SETD1B: variants seen among roughly 807,000 people sequenced by gnomAD.
SETD1B encodes histone-lysine N-methyltransferase SETD1B.
Under a neutral mutation model 148.0 loss-of-function variants are expected in SETD1B, and 7 were observed. The observed-to-expected ratio is 0.05, with a 90% CI of 0.03 to 0.09. The LOEUF (loss-of-function observed/expected upper bound fraction) is 0.09. Ranked by LOEUF, SETD1B falls within the 10% of genes least tolerant of loss-of-function variation. The probability of loss-of-function intolerance (pLI) is 1.00; values close to 1 mark genes in which losing one functional copy is unlikely to be tolerated. For synonymous variants in SETD1B, 1,361 were observed against 1,186.5 expected (o/e 1.15, Z -3.02); for missense variants, 2,155 against 2,729.9 (o/e 0.79, Z 4.69).
At chr12:121,815,971 G>A (rs989049649) in intron 7 of SETD1B, among the ~76,000 whole-genome samples, 5 of 151,480 alleles carry the variant, frequency 3.3e-5, no homozygotes, top group African/African-American at 1.2e-4. Context: ...GGGACTATAG[G>A]CACCCACTAC....
chr12:121,798,319 G>C, the SETD1B span, among the ~76,000 whole-genome samples: 1 of 152,236 alleles, frequency 6.6e-6, no homozygotes, highest in Non-Finnish European at 1.5e-5. Flanking sequence ...GGAGAACCGC[G>C]TTGGCCGCCT....
chr12:121,793,705 G>T, the SETD1B span: 6 of 1,359,308 alleles, frequency 4.4e-6, no homozygotes, highest in Non-Finnish European at 5.7e-6. Context: ...GGCGGGGCGG[G>T]GCCGGAACCA....
Position 121,827,394 on chromosome 12 carries a change from G to A in SETD1B, c.5338-125G>A, listed in dbSNP as rs192103427. 288 of 1,221,488 alleles carry A rather than the reference G, an allele frequency of 2.4e-4. No individual in the cohort carries two copies. The African/African-American group carries it at 3.0e-3, about 13-fold the overall frequency. The allele number at this position is 1,221,488 out of a possible 1,614,324, so 75.7% of individuals were successfully genotyped here. On this transcript the variant is annotated intron_variant, in intron 13 of 16. Transcript: ENST00000604567. Reference sequence around the variant, plus strand: ...AGGGAAGCGGTGACAATTAGGGACCGACAGGTGTGGAGAAGCCCAGAGCAA... The same window carrying A: ...AGGGAAGCGGTGACAATTAGGGACCAACAGGTGTGGAGAAGCCCAGAGCAA...
chr12:121,828,380 G>A (rs370908443), intron 16 of SETD1B, among the ~76,000 whole-genome samples: 1 of 152,218 alleles, frequency 6.6e-6, no homozygotes, highest in Admixed American at 6.5e-5. Context: ...CCTTTTCTCC[G>A]TGCCTTCATT....
At chr12:121,794,569 G>T in the SETD1B span, among the ~76,000 whole-genome samples, 1 of 152,124 alleles carries the variant, frequency 6.6e-6, no homozygotes, top group Non-Finnish European at 1.5e-5. Context: ...GCGTTTCCTT[G>T]CCAGCAGCCA....
intron 4 of SETD1B, 112 bp downstream of exon 4, chr12:121,806,217 C>G (rs1469905008): frequency 2.5e-6 from 3 of 1,207,838 alleles, no homozygotes; most frequent in Admixed American, 2.5e-5. Flanking sequence ...GGGATCCCCC[C>G]CCACAACCTT....
intron 4 of SETD1B, among the ~76,000 whole-genome samples, chr12:121,806,825 C>G (rs1875768256): frequency 6.6e-6 from 1 of 152,230 alleles, no homozygotes; most frequent in Non-Finnish European, 1.5e-5. Context: ...TACCTCCCAC[C>G]CTGTGGGTCT....
At chr12:121,826,270 A>G (rs1004118233) in intron 13 of SETD1B, among the ~76,000 whole-genome samples, 1 of 152,154 alleles carries the variant, frequency 6.6e-6, no homozygotes, top group Non-Finnish European at 1.5e-5. Flanking sequence ...GAAGCACGTA[A>G]TTCCAGGCAG....
chr12:121,795,623 G>C, the SETD1B span: 1 of 152,522 alleles, frequency 6.6e-6, no homozygotes, highest in Non-Finnish European at 1.5e-5. Flanking sequence ...GCTACCAGCC[G>C]GGCCCTGAGC....
Position 121,822,917 on chromosome 12 carries a change from C to T in SETD1B, c.4338C>T (p.Pro1446=), listed in dbSNP as rs1320542055. 17 of 1,513,624 alleles carry T rather than the reference C, an allele frequency of 1.1e-5. No homozygotes were observed. Among genetic ancestry groups the T allele is most frequent in the African/African-American group, 4.2e-5 (3 of 71,960 alleles). The allele number at this position is 1,513,624 out of a possible 1,614,324, so 93.8% of individuals were successfully genotyped here. A position where few individuals can be genotyped will look rare whatever the true frequency, so the allele number is the denominator to read the frequency against. Residue 1446 remains proline (P), a synonymous_variant, in exon 12 of 17, where the codon CCC becomes CCT. Coordinates refer to ENST00000604567, the MANE Select transcript of SETD1B (RefSeq NM_001353345.2). The part of the protein sequence containing the change: ...FSEPSGPLLL[P]VCPLPTGRRD... ...AGCCCAGCGGGCCCTTGCTCCTGCC[C>T]GTCTGCCCACTCCCCACTGGCCGAC...
the SETD1B span, chr12:121,793,785 C>T: frequency 3.2e-6 from 2 of 626,964 alleles, no homozygotes; most frequent in Non-Finnish European, 5.0e-6. Flanking sequence ...CCTCAGTTTC[C>T]TTTCTGCTAA....
rs796596698 is a variant in SETD1B, at chr12:121,808,721, C to T, written c.657+401C>T. On this transcript the variant is annotated intron_variant, in intron 5 of 16. Coordinates refer to ENST00000604567, the MANE Select transcript of SETD1B (RefSeq NM_001353345.2). The surrounding 1 kb of genome is among the most constrained non-coding windows in gnomAD (Gnocchi z 5.3). ...ACCCCTAAACCCAGAAACCAGAGTT[C>T]ATGCCCTGCCTTCCAGAGCAAGGCT... 6.6e-5 allele frequency among the ~76,000 whole-genome samples: 10 copies of T among 152,378 alleles called. No individual in the cohort carries two copies. Among genetic ancestry groups the T allele is most frequent in the African/African-American group, 1.9e-4 (8 of 41,592 alleles).
the SETD1B span, among the ~76,000 whole-genome samples, chr12:121,794,637 A>G: frequency 6.6e-6 from 1 of 151,986 alleles, no homozygotes; most frequent in African/African-American, 2.4e-5. Context: ...AAAACAGCTT[A>G]TTTGTTGAGC....
In SETD1B at chr12:121,823,381, C is replaced by T. The variant is rs566112237; in HGVS notation, c.4802C>T (p.Pro1601Leu). 2.0e-4 allele frequency: 294 copies of T among 1,493,092 alleles called. No individual in the cohort carries two copies. The African/African-American group carries it at 3.6e-3, about 18-fold the overall frequency. 92.5% of individuals were successfully genotyped at this position (1,493,092 alleles called of 1,614,324 possible). Residue 1601 changes from proline to leucine, a missense_variant, in exon 12 of 17, where the codon CCC (proline) becomes CTC (leucine). Pro to Leu is a moderately conservative substitution (Grantham distance 98). Coordinates refer to ENST00000604567, the MANE Select transcript of SETD1B (RefSeq NM_001353345.2). ...PPPPPPPPVE[P>L]TKLPFKELDN... ...CCCCCACCTCCCCCACCTGTAGAGC[C>T]CACCAAGCTGCCCTTTAAGGAGCTA... is the stretch of plus-strand genomic sequence containing the variant.
Position 121,814,897 on chromosome 12 carries a change from C to G in SETD1B, c.2682C>G (p.Asp894Glu). 6.5e-7 allele frequency: 1 copy of G among 1,549,130 alleles called. No homozygotes were observed. Among genetic ancestry groups the G allele is most frequent in the Non-Finnish European group, 8.7e-7 (1 of 1,145,648 alleles). The change falls in exon 7 of 17, where the codon GAC (aspartate) becomes GAG (glutamate). Residue 894 changes from aspartate to glutamate, a missense_variant. Physicochemically the swap from Asp to Glu is conservative, Grantham distance 45. Transcript: ENST00000604567. Reference protein sequence around the residue: ...MVEVVAFRAFDEWWDKKERMA... With the variant: ...MVEVVAFRAFEEWWDKKERMA... ...AAGTGGTGGCTTTCCGGGCCTTTGA[C>G]GAGTGGTGGGACAAGAAGGAGCGGA...
chr12:121,817,679 C>T lies in SETD1B; in HGVS notation c.3287C>T (p.Ser1096Phe), dbSNP rs749304625. 94 of 1,549,928 alleles carry T rather than the reference C, an allele frequency of 6.1e-5. No individual in the cohort carries two copies. The highest frequency in any genetic ancestry group is 1.3e-4 in the South Asian group (11 of 84,038). ...EEVPRSQLSS[S>F]STSSTSDKDD... ...GTCCCCAGGAGCCAGCTCTCCTCCTCCTCAACCTCATCCACATCAGATAAG... is the reference window on the plus strand; with the variant it reads ...GTCCCCAGGAGCCAGCTCTCCTCCTTCTCAACCTCATCCACATCAGATAAG... The change falls in exon 9 of 17, where the codon TCC becomes TTC. Residue 1096 changes from serine (S) to phenylalanine (F), a missense_variant. Coordinates refer to ENST00000604567, the MANE Select transcript of SETD1B (RefSeq NM_001353345.2). This position sits in a 1 kb window ranked among gnomAD's most constrained non-coding sequence, Gnocchi z 8.1.
At position 121,805,361 on chromosome 12, in the gene SETD1B, G is replaced by A. The variant is rs933095928; in HGVS notation, c.273+145G>A. ...TTTGGCGGGGAGGGGTAGAGCGCTG[G>A]CGAGAGGGTGTCCCCTCTCAGCTAC... On this transcript the variant is annotated intron_variant, in intron 3 of 16. Transcript: ENST00000604567. The surrounding 1 kb of genome is among the most constrained non-coding windows in gnomAD (Gnocchi z 4.2). 8 of 662,092 alleles carry A rather than the reference G, an allele frequency of 1.2e-5. No individual in the cohort carries two copies. The highest frequency in any genetic ancestry group is 2.1e-5 in the Non-Finnish European group (8 of 374,148). The allele number at this position is 662,092 out of a possible 1,614,324, so 41.0% of individuals were successfully genotyped here. A position where few individuals can be genotyped will look rare whatever the true frequency, so the allele number is the denominator to read the frequency against.
Position 121,819,410 on chromosome 12 carries a change from C to T in SETD1B, c.3425C>T (p.Thr1142Ile), listed in dbSNP as rs1321135036. 1.3e-6 allele frequency: 2 copies of T among 1,551,850 alleles called. No individual in the cohort carries two copies. Among genetic ancestry groups the T allele is most frequent in the South Asian group, 2.4e-5 (2 of 84,044 alleles). The stretch of plus-strand genomic sequence containing the variant: ...GTCTGTGTCCCCCATCCAGAGGAGA[C>T]AGTGAGCATTGTAACCTCCAAGGCC... ...KDEGDSDEEE[T>I]VSIVTSKAEA... Residue 1142 changes from threonine to isoleucine, a missense_variant, in exon 11 of 17, where the codon ACA (threonine) becomes ATA (isoleucine). Around this residue, in one of 11 missense-constraint regions of SETD1B, gnomAD observed 862 missense variants for 873.8 expected, o/e 0.99. Transcript: ENST00000604567.
intron 16 of SETD1B, among the ~76,000 whole-genome samples, chr12:121,828,835 G>A (rs1287831862): frequency 3.3e-5 from 5 of 152,254 alleles, no homozygotes; most frequent in Admixed American, 3.3e-4. Context: ...GGCCACATAG[G>A]TGGGTCACTG....
Sources: gnomAD v4.1 joint callset for allele counts (sites outside exome capture counted in the v4.1 genomes callset) on GRCh38, gnomAD v4.1.1 for gene constraint, gnomAD v4.1.1 regional missense constraint, Gnocchi (gnomAD v3.1) non-coding constraint, MANE v1.5 for transcripts, NCBI Gene and HGNC (gene_info 2026-07-23, HGNC 2026-07-21) for gene names.